Variants in KAZN observed in about 807,000 individuals in gnomAD.
KAZN encodes kazrin, periplakin interacting protein.
KAZN carries 40 observed loss-of-function variants against 87.4 expected under a neutral mutation model. The ratio of observed to expected loss-of-function variants is 0.46; its 90% CI spans 0.36 to 0.60. The LOEUF is 0.60. KAZN is among the 20% of genes least tolerant of loss of function. The probability of loss-of-function intolerance (pLI) is 0.00; values close to 1 mark genes in which losing one functional copy is unlikely to be tolerated. For synonymous variants in KAZN, 466 were observed against 458.3 expected, an observed-to-expected ratio of 1.02 and a Z score of -0.22; for missense variants, 898 against 1,073.9, an observed-to-expected ratio of 0.84 and a Z score of 2.29.
At position 14,514,066 on chromosome 1, in the gene KAZN, A is replaced by G. The variant is rs551269539; in HGVS notation, c.250-84917A>G. 4.2e-3 allele frequency among the ~76,000 whole-genome samples: 638 copies of G among 151,050 alleles called. 5 individuals carry two copies. Among genetic ancestry groups the G allele is most frequent in the African/African-American group, 0.015 (616 of 41,092 alleles). On this transcript the variant is annotated intron_variant, in intron 2 of 16. Coordinates refer to the KAZN transcript ENST00000636203. ...CCGGGCGTGGTGGCTCACGTCTGTA[A>G]TCCCAGCACTTTGGGAGGCCGAGGC...
intron 2 of KAZN, among the ~76,000 whole-genome samples, chr1:14,320,907 C>T (rs1571298363): frequency 6.6e-6 from 1 of 152,290 alleles, no homozygotes; most frequent in African/African-American, 2.4e-5. Flanking sequence ...CATCTAAAGT[C>T]TCTTCCAGCT....
intron 1 of KAZN, among the ~76,000 whole-genome samples, chr1:14,156,188 T>C (rs1003731279): frequency 2.0e-5 from 3 of 152,226 alleles, no homozygotes; most frequent in African/African-American, 7.2e-5. Flanking sequence ...TATTCCATTG[T>C]GGTCAGAGAA....
chr1:14,699,463 G>C (rs1641800061), intron 1 of KAZN, among the ~76,000 whole-genome samples: 1 of 152,200 alleles, frequency 6.6e-6, no homozygotes, highest in Non-Finnish European at 1.5e-5. Context: ...GGAATACGAT[G>C]GTGAGTGGAA....
intron 1 of KAZN, among the ~76,000 whole-genome samples, chr1:14,869,296 C>T (rs536782161): frequency 2.6e-5 from 4 of 152,242 alleles, no homozygotes; most frequent in South Asian, 4.2e-4. Flanking sequence ...GGTGAGCTCG[C>T]GACCTTTCAT....
intron 2 of KAZN, among the ~76,000 whole-genome samples, chr1:14,336,184 T>C (rs1657256304): frequency 6.6e-6 from 1 of 152,234 alleles, no homozygotes; most frequent in South Asian, 2.1e-4. Flanking sequence ...CTATGGATTT[T>C]CCTATTCTAG....
At chr1:14,450,984 T>C (rs561833814) in intron 2 of KAZN, among the ~76,000 whole-genome samples, 2 of 152,112 alleles carry the variant, frequency 1.3e-5, no homozygotes, top group South Asian at 2.1e-4. Flanking sequence ...TGTGTAAAAG[T>C]GTGCAGCATC....
At position 14,897,956 on chromosome 1, in the gene KAZN, C is replaced by T. The variant is rs774031386; in HGVS notation, c.227-62728C>T. ...GGCAGCTACAGTTCAGGAAGGGATG[C>T]GCAGCTATGGAGGAAACACCCATGG... On this transcript the variant is annotated intron_variant, in intron 1 of 14. Transcript: ENST00000376030. Among the ~76,000 whole-genome samples, 30 of 152,114 alleles carry T rather than the reference C, an allele frequency of 2.0e-4. 1 individual carries two copies. The highest frequency in any genetic ancestry group is 2.0e-3 in the Admixed American group (30 of 15,276).
chr1:14,480,946 G>A (rs1169992292), intron 2 of KAZN, among the ~76,000 whole-genome samples: 1 of 148,166 alleles, frequency 6.7e-6, no homozygotes, highest in East Asian at 1.9e-4. Flanking sequence ...TACATTTTAT[G>A]TATTATTTAT....
At chr1:14,535,253 C>T (rs1336435394) in intron 2 of KAZN, among the ~76,000 whole-genome samples, 1 of 152,232 alleles carries the variant, frequency 6.6e-6, no homozygotes, top group Non-Finnish European at 1.5e-5. Flanking sequence ...CCCTGAGCCA[C>T]CCCTATGCCC....
intron 2 of KAZN, among the ~76,000 whole-genome samples, chr1:14,997,908 C>G (rs1173742593): frequency 2.6e-5 from 4 of 152,224 alleles, no homozygotes; most frequent in Admixed American, 2.6e-4. Context: ...CAGCTTCCAT[C>G]TGTGAAATGG....
chr1:14,630,798 G>A (rs1679505458), intron 1 of KAZN, among the ~76,000 whole-genome samples: 1 of 152,092 alleles, frequency 6.6e-6, no homozygotes, highest in South Asian at 2.1e-4. Flanking sequence ...CTGCTTTTGG[G>A]CTGTGTGACT....
chr1:14,965,130 C>T (rs1664309232), intron 2 of KAZN, among the ~76,000 whole-genome samples: 1 of 151,798 alleles, frequency 6.6e-6, no homozygotes, highest in African/African-American at 2.4e-5. Flanking sequence ...CTCCCGGGCT[C>T]AAATGAGCCT....
intron 1 of KAZN, among the ~76,000 whole-genome samples, chr1:13,987,750 A>G (rs1410188414): frequency 1.3e-5 from 2 of 152,128 alleles, no homozygotes; most frequent in Non-Finnish European, 2.9e-5. Flanking sequence ...TAAAAATCCC[A>G]TTTCTTAATA....
chr1:14,717,516 C>T (rs1041350391), intron 1 of KAZN, among the ~76,000 whole-genome samples: 1 of 152,138 alleles, frequency 6.6e-6, no homozygotes, highest in Non-Finnish European at 1.5e-5. Context: ...TTCTGTGGCC[C>T]CCTCCCTGTG....
intron 1 of KAZN, among the ~76,000 whole-genome samples, chr1:14,845,219 GTGGATGGA>G (rs1175372852): frequency 4.1e-5 from 6 of 145,522 alleles, no homozygotes; most frequent in African/African-American, 1.5e-4. Context: ...GGATGGGTGG[GTGGATGGA>G]TGGATGGATG....
intron 7 of KAZN, 99 bp downstream of exon 7, chr1:15,063,721 C>T: frequency 1.0e-6 from 1 of 966,028 alleles, no homozygotes; most frequent in East Asian, 2.6e-5. Flanking sequence ...TGCCGCACAC[C>T]CAAGGTGGAG....
At chr1:14,023,934 C>G (rs1640959133) in intron 1 of KAZN, among the ~76,000 whole-genome samples, 1 of 152,208 alleles carries the variant, frequency 6.6e-6, no homozygotes, top group African/African-American at 2.4e-5. Context: ...CCCAGCTTCT[C>G]AGACCATTGA....
intron 1 of KAZN, among the ~76,000 whole-genome samples, chr1:14,118,743 T>A (rs570815048): frequency 1.3e-5 from 2 of 152,314 alleles, no homozygotes; most frequent in South Asian, 4.1e-4. Flanking sequence ...CTTCCCATTT[T>A]ACAGATGGGA....
chr1:14,468,591 C>T (rs1043659534), intron 2 of KAZN, among the ~76,000 whole-genome samples: 1 of 152,174 alleles, frequency 6.6e-6, no homozygotes, highest in African/African-American at 2.4e-5. Flanking sequence ...AGTCTTCCTA[C>T]ATGTCCACAT....
Sources: gnomAD v4.1 joint callset for allele counts (sites outside exome capture counted in the v4.1 genomes callset) on GRCh38, gnomAD v4.1.1 for gene constraint, MANE v1.5 for transcripts, NCBI Gene and HGNC (gene_info 2026-07-23, HGNC 2026-07-21) for gene names.